The following CD82 variants were observed in gnomAD, a reference collection of about 807,000 sequenced individuals.
The protein encoded by CD82 is CD82 molecule, also known as CD82 antigen.
In CD82, 36 loss-of-function variants were observed where a neutral mutation model predicts 37.4. That is an observed-to-expected ratio of 0.96 (90% confidence interval 0.74 to 1.27). The LOEUF (loss-of-function observed/expected upper bound fraction) is 1.27, where lower values mean the gene tolerates loss of function less well. Among genes scored for constraint, CD82 ranks in the 50% most tolerant of loss-of-function variants. The probability of loss-of-function intolerance (pLI) is 0.00; values close to 1 mark genes in which losing one functional copy is unlikely to be tolerated. For missense variants in CD82, 340 were observed against 347.0 expected (o/e 0.98, Z 0.16); for synonymous variants, 158 against 137.4 (o/e 1.15, Z -1.05).
chr11:44,570,475 C>T (rs1203374995), intron 1 of CD82, among the ~76,000 whole-genome samples: 4 of 152,240 alleles, frequency 2.6e-5, no homozygotes, highest in Non-Finnish European at 5.9e-5. Flanking sequence ...GGATCGATGA[C>T]TGAATGAATA....
intron 4 of CD82, among the ~76,000 whole-genome samples, chr11:44,603,544 T>A (rs908711831): frequency 1.3e-5 from 2 of 152,112 alleles, no homozygotes; most frequent in Non-Finnish European, 2.9e-5. Context: ...GCTGGGAGCG[T>A]CTTGGTCGGG....
chr11:44,586,377 G>A (rs1853054931), intron 1 of CD82, among the ~76,000 whole-genome samples: 1 of 152,198 alleles, frequency 6.6e-6, no homozygotes, highest in Middle Eastern at 3.2e-3. Context: ...CCGTCTGTGT[G>A]CATCTTTCTA....
At position 44,618,356 on chromosome 11, in the gene CD82, G is replaced by A. The variant is rs1159182616; in HGVS notation, c.633G>A (p.Val211=). Residue 211 remains valine, a synonymous_variant, in exon 8 of 10, where the codon GTG becomes GTA. Coordinates refer to ENST00000227155, the MANE Select transcript of CD82 (RefSeq NM_002231.4). ...QSGNHPEDWP[V]YQEGCMEKVQ... Reference sequence around the variant, plus strand: ...GCAACCACCCTGAGGACTGGCCTGTGTACCAGGAGGTGTGCGGGGGGCTGC... The same window carrying A: ...GCAACCACCCTGAGGACTGGCCTGTATACCAGGAGGTGTGCGGGGGGCTGC... 6.2e-7 allele frequency: 1 copy of A among 1,613,012 alleles called. No individual in the cohort carries two copies. Among genetic ancestry groups the A allele is most frequent in the South Asian group, 1.1e-5 (1 of 91,070 alleles).
rs34301171 is a variant in CD82 at position 44,612,623 on chromosome 11, ATTTTTTTTTT to A, written c.337-2631_337-2622del. On this transcript the variant is annotated intron_variant, in intron 6 of 9. Coordinates refer to ENST00000227155, the MANE Select transcript of CD82 (RefSeq NM_002231.4). ...ATCAGAGGCTGGTTTCCCAGCATTA[ATTTTTTTTTT>A]TTTTTTTTTTTTTTTTTGAGATGGA... 3.9e-3 allele frequency among the ~76,000 whole-genome samples: 249 copies of A among 63,080 alleles called. 1 individual carries two copies. Among genetic ancestry groups the A allele is most frequent in the African/African-American group, 0.017 (236 of 14,240 alleles). 41.4% of individuals were successfully genotyped at this position (63,080 alleles called of 152,430 possible).
At chr11:44,579,143 C>T (rs1355485500) in intron 1 of CD82, among the ~76,000 whole-genome samples, 2 of 151,544 alleles carry the variant, frequency 1.3e-5, no homozygotes, top group Non-Finnish European at 2.9e-5. Flanking sequence ...GGGTAACAGG[C>T]TTTTTCCCAG....
chr11:44,602,554 C>T (rs559827286), intron 4 of CD82, among the ~76,000 whole-genome samples: 2 of 152,296 alleles, frequency 1.3e-5, no homozygotes, highest in East Asian at 3.9e-4. Flanking sequence ...ATGGCTTGCC[C>T]AGGGTCAGAG....
intron 2 of CD82, among the ~76,000 whole-genome samples, chr11:44,593,915 G>A (rs1418534407): frequency 6.6e-6 from 1 of 152,014 alleles, no homozygotes; most frequent in Non-Finnish European, 1.5e-5. Context: ...CATATAGAGA[G>A]TGAAGATTGT....
At chr11:44,601,195 G>C (rs546479521) in intron 4 of CD82, among the ~76,000 whole-genome samples, 42 of 152,270 alleles carry the variant, frequency 2.8e-4, no homozygotes, top group African/African-American at 9.6e-4. Context: ...AGCTGCCCAA[G>C]GCAGCTGGTT....
chr11:44,609,240 C>T (rs1258420268), intron 6 of CD82, among the ~76,000 whole-genome samples: 1 of 152,238 alleles, frequency 6.6e-6, no homozygotes, highest in African/African-American at 2.4e-5. Context: ...CTCTGATCCA[C>T]AGGCGAGCTC....
chr11:44,577,384 C>T (rs1240392038), intron 1 of CD82, among the ~76,000 whole-genome samples: 1 of 152,160 alleles, frequency 6.6e-6, no homozygotes, highest in Non-Finnish European at 1.5e-5. Context: ...CAGCCACCTT[C>T]TTCCCTCAGG....
At chr11:44,577,981 C>G (rs914831967) in intron 1 of CD82, among the ~76,000 whole-genome samples, 2 of 152,256 alleles carry the variant, frequency 1.3e-5, no homozygotes, top group East Asian at 1.9e-4. Context: ...AACTTGTGAC[C>G]CTCCCTGGGC....
At chr11:44,571,567 T>C (rs1463666908) in intron 1 of CD82, among the ~76,000 whole-genome samples, 2 of 151,924 alleles carry the variant, frequency 1.3e-5, no homozygotes, top group Non-Finnish European at 2.9e-5. Flanking sequence ...TTTGGTAGTG[T>C]TTTATTTTTA....
intron 1 of CD82, chr11:44,585,433 T>G: frequency 4.8e-6 from 2 of 414,952 alleles, no homozygotes; most frequent in South Asian, 3.5e-5. Context: ...CACCCAAGGC[T>G]ACACTGCTGG....
intron 3 of CD82, among the ~76,000 whole-genome samples, chr11:44,596,129 C>T (rs1046512490): frequency 1.3e-5 from 2 of 152,244 alleles, no homozygotes; most frequent in African/African-American, 2.4e-5. Flanking sequence ...CACTGTGGCT[C>T]TGGCCCTCTG....
rs550562461 is a variant in CD82, at chr11:44,571,033, G to A, written c.-103+5297G>A. Among the ~76,000 whole-genome samples the A allele has an allele frequency of 4.6e-5, 7 of 152,210 alleles. No homozygotes were observed. In the South Asian group the frequency reaches 1.2e-3, roughly 27 times the overall value. ...TGCCTCTTCTCCGCCGCCCCACCCC[G>A]CAACTTGACTTTCCCTGCTGTGTGG... On this transcript the variant is annotated intron_variant, in intron 1 of 9. Coordinates refer to ENST00000227155, the MANE Select transcript of CD82 (RefSeq NM_002231.4).
intron 4 of CD82, chr11:44,604,718 T>A: frequency 2.8e-6 from 1 of 359,622 alleles, no homozygotes; most frequent in East Asian, 7.1e-5. Context: ...TCTGCCCTCA[T>A]GCACCTCAGG....
intron 1 of CD82, among the ~76,000 whole-genome samples, chr11:44,582,140 T>G (rs1345928501): frequency 6.6e-6 from 1 of 152,082 alleles, no homozygotes; most frequent in Non-Finnish European, 1.5e-5. Context: ...CCCCCCTGTG[T>G]GACCAGGGCC....
chr11:44,576,160 T>G (rs1323987753), intron 1 of CD82, among the ~76,000 whole-genome samples: 2 of 152,190 alleles, frequency 1.3e-5, no homozygotes, highest in Non-Finnish European at 2.9e-5. Flanking sequence ...CCAGTTATTG[T>G]TCTGGGCAGG....
intron 1 of CD82, among the ~76,000 whole-genome samples, chr11:44,572,599 G>C (rs762716826): frequency 6.1e-5 from 9 of 148,524 alleles, no homozygotes; most frequent in African/African-American, 2.0e-4. Flanking sequence ...TCCATTGTCC[G>C]CAGCCGCCCA....
Sources: gnomAD v4.1 joint callset for allele counts (sites outside exome capture counted in the v4.1 genomes callset) on GRCh38, gnomAD v4.1.1 for gene constraint, MANE v1.5 for transcripts, NCBI Gene and HGNC (gene_info 2026-07-23, HGNC 2026-07-21) for gene names.